Variants in PPME1 observed in about 807,000 individuals in gnomAD.
PPME1 encodes testicular secretory protein Li 39.
In PPME1, 17 loss-of-function variants were observed where a neutral mutation model predicts 56.9. The ratio of observed to expected loss-of-function variants is 0.30; its 90% CI spans 0.20 to 0.45. PPME1 has a LOEUF of 0.45. Ranked by LOEUF, PPME1 falls within the 20% of genes least tolerant of loss-of-function variation. The pLI is 1.00. For synonymous variants in PPME1, 122 were observed against 156.2 expected, an observed-to-expected ratio of 0.78 and a Z score of 1.63; for missense variants, 357 against 483.2, an observed-to-expected ratio of 0.74 and a Z score of 2.45.
chr11:74,173,326 C>T (rs934442625), intron 1 of PPME1, among the ~76,000 whole-genome samples: 3 of 152,078 alleles, frequency 2.0e-5, no homozygotes, highest in African/African-American at 7.2e-5. Flanking sequence ...AGTATACCAG[C>T]ACCCTTCTAT....
chr11:74,220,481 GC>G (rs1295103255), intron 3 of PPME1, among the ~76,000 whole-genome samples: 2 of 152,194 alleles, frequency 1.3e-5, no homozygotes, highest in Non-Finnish European at 2.9e-5. Flanking sequence ...CTGTTATGTA[GC>G]CAGGGTTGAA....
At chr11:74,242,329 G>T (rs778133527) in intron 9 of PPME1, among the ~76,000 whole-genome samples, 4 of 152,100 alleles carry the variant, frequency 2.6e-5, no homozygotes, top group Non-Finnish European at 5.9e-5. Flanking sequence ...CTATTCTGTT[G>T]ATCTATATGT....
intron 1 of PPME1, among the ~76,000 whole-genome samples, chr11:74,177,503 A>G (rs1857429918): frequency 6.6e-6 from 1 of 151,956 alleles, no homozygotes; most frequent in South Asian, 2.1e-4. Context: ...CCTTTGTCAT[A>G]TGCCAAATTT....
chr11:74,212,204 C>T (rs1858496327), intron 3 of PPME1, among the ~76,000 whole-genome samples: 1 of 152,150 alleles, frequency 6.6e-6, no homozygotes, highest in Admixed American at 6.5e-5. Flanking sequence ...GGAGGGAGAG[C>T]ACAGTGATTG....
At chr11:74,251,384 A>AC in intron 12 of PPME1, 1 of 1,361,110 alleles carries the variant, frequency 7.3e-7, no homozygotes, top group Non-Finnish European at 9.4e-7. Flanking sequence ...CTGTGAGAAA[A>AC]CACCATTCTG....
At chr11:74,178,456 C>G (rs2135591405) in intron 1 of PPME1, among the ~76,000 whole-genome samples, 1 of 152,280 alleles carries the variant, frequency 6.6e-6, no homozygotes, top group Non-Finnish European at 1.5e-5. Context: ...AACAAGAGAT[C>G]TCCACTAGCT....
At chr11:74,212,358 T>A (rs1858500723) in intron 3 of PPME1, among the ~76,000 whole-genome samples, 1 of 152,154 alleles carries the variant, frequency 6.6e-6, no homozygotes, top group Admixed American at 6.5e-5. Context: ...GAATTTGAGT[T>A]CTGGAAAGCC....
Position 74,253,529 on chromosome 11 carries a change from T to G in PPME1, c.*19T>G, listed in dbSNP as rs1210919635. Reference sequence around the variant, plus strand: ...CTGTTAGTGACCTGCTGTCCACCCCTCCTCAACATCGAGCTCTGTTGTAAA... The same window carrying G: ...CTGTTAGTGACCTGCTGTCCACCCCGCCTCAACATCGAGCTCTGTTGTAAA... On this transcript the variant is annotated 3_prime_UTR_variant, in exon 14 of 14. Coordinates refer to ENST00000328257, the MANE Select transcript of PPME1 (RefSeq NM_016147.3). The G allele has an allele frequency of 6.3e-7, 1 of 1,599,808 alleles. No individual in the cohort carries two copies. Among genetic ancestry groups the G allele is most frequent in the South Asian group, 1.1e-5 (1 of 90,766 alleles).
At chr11:74,212,183 G>A (rs1798213957) in intron 3 of PPME1, among the ~76,000 whole-genome samples, 1 of 152,228 alleles carries the variant, frequency 6.6e-6, no homozygotes, top group South Asian at 2.1e-4. Context: ...GAGAGAATCT[G>A]TGTGCTTGTG....
intron 3 of PPME1, among the ~76,000 whole-genome samples, chr11:74,216,265 A>G (rs1300738326): frequency 6.6e-6 from 1 of 152,220 alleles, no homozygotes. Context: ...CTTGGATAAC[A>G]TTCAAAAAAC....
At position 74,204,493 on chromosome 11, in the gene PPME1, A is replaced by C. The variant is rs755923086; in HGVS notation, c.288+48A>C. The C allele has an allele frequency of 1.0e-5, 15 of 1,472,788 alleles. No individual in the cohort carries two copies. In the Admixed American group the frequency reaches 2.6e-4, roughly 25 times the overall value. The allele number at this position is 1,472,788 out of a possible 1,614,324, so 91.2% of individuals were successfully genotyped here. ...AAGTTAATGTTAGCACTTTTGAACT[A>C]ATGAAAGTATAGGGACAAATCTTGG... On this transcript the variant is annotated intron_variant, in intron 3 of 13. Transcript: ENST00000328257.
chr11:74,250,890 A>G (rs1859640768), intron 11 of PPME1, 64 bp from the exon 12 acceptor site: 3 of 1,403,562 alleles, frequency 2.1e-6, no homozygotes, highest in Admixed American at 3.9e-5. Flanking sequence ...GGAATGACCT[A>G]TGAGGCTGCA....
intron 9 of PPME1, among the ~76,000 whole-genome samples, chr11:74,240,095 A>G (rs755676525): frequency 6.6e-6 from 1 of 150,790 alleles, no homozygotes; most frequent in African/African-American, 2.4e-5. Context: ...CACCACACCC[A>G]ACTTCCCTGG....
At chr11:74,179,127 A>G (rs1327485334) in intron 1 of PPME1, among the ~76,000 whole-genome samples, 1 of 152,154 alleles carries the variant, frequency 6.6e-6, no homozygotes, top group Non-Finnish European at 1.5e-5. Context: ...CTTTTCCTAT[A>G]TGCTTCTGTG....
intron 8 of PPME1, among the ~76,000 whole-genome samples, chr11:74,237,053 A>C (rs540457228): frequency 6.6e-6 from 1 of 151,958 alleles, no homozygotes; most frequent in Admixed American, 6.6e-5. Context: ...GATTCCTTGC[A>C]ATTTATTTCT....
intron 5 of PPME1, among the ~76,000 whole-genome samples, chr11:74,227,094 A>G (rs1205631207): frequency 6.6e-6 from 1 of 152,178 alleles, no homozygotes; most frequent in Non-Finnish European, 1.5e-5. Context: ...GCACTTGGCT[A>G]CAAAAACACT....
chr11:74,243,490 C>A (rs1379425111), intron 9 of PPME1: 1 of 152,060 alleles, frequency 6.6e-6, no homozygotes, highest in Non-Finnish European at 1.5e-5. Context: ...AGAAATGGCT[C>A]ATAGTGTTGT....
chr11:74,230,262 T>C lies in PPME1; in HGVS notation c.416T>C (p.Val139Ala). 1 of 1,610,666 alleles carries C rather than the reference T, an allele frequency of 6.2e-7. No individual in the cohort carries two copies. Among genetic ancestry groups the C allele is most frequent in the South Asian group, 1.1e-5 (1 of 90,262 alleles). ...ETMAKDVGNVVEAMYGDLPPP... is the reference protein window; with the variant it reads ...ETMAKDVGNVAEAMYGDLPPP... ...CTTTGCAGAGACGTTGGCAATGTGG[T>C]TGAAGCCATGTATGGGGACCTTCCT... The change falls in exon 6 of 14, where the codon GTT becomes GCT. Residue 139 changes from valine to alanine, a missense_variant. Val to Ala is a moderately conservative substitution (Grantham distance 64). This residue lies in a region of PPME1 where 175 missense variants were observed against 189.4 expected (regional missense o/e 0.92). Coordinates refer to ENST00000328257, the MANE Select transcript of PPME1 (RefSeq NM_016147.3). This position sits in a 1 kb window ranked among gnomAD's most constrained non-coding sequence, Gnocchi z 4.9.
intron 1 of PPME1, among the ~76,000 whole-genome samples, chr11:74,197,440 TTTTAGAAAATGATTAGTTTTA>T (rs1364247019): frequency 3.9e-5 from 6 of 152,282 alleles, no homozygotes; most frequent in African/African-American, 1.4e-4. Context: ...AATAAGATAA[TTTTAGAAAATGATTAGTTTTA>T]TGATAAATAG....
Sources: allele counts gnomAD v4.1 joint callset (sites outside exome capture counted in the v4.1 genomes callset), GRCh38; gene constraint gnomAD v4.1.1; regional missense constraint gnomAD v4.1.1; non-coding constraint Gnocchi (gnomAD v3.1); transcripts MANE v1.5; gene names NCBI Gene and HGNC (gene_info 2026-07-23, HGNC 2026-07-21).